COL22A1: variants seen among roughly 807,000 people sequenced by gnomAD.
The protein encoded by COL22A1 is collagen type XXII alpha 1 chain, also known as collagen alpha-1(XXII) chain.
In COL22A1, 221 loss-of-function variants were observed where a neutral mutation model predicts 248.9. The observed-to-expected ratio is 0.89, with a 90% CI of 0.80 to 0.99. The LOEUF is 0.99. Ranked by LOEUF, COL22A1 falls within the 50% of genes least tolerant of loss-of-function variation. COL22A1 has a pLI of 0.00. For missense variants in COL22A1, 2,240 were observed against 2,179.0 expected (o/e 1.03, Z -0.56); for synonymous variants, 891 against 793.4 (o/e 1.12, Z -2.07).
chr8:138,768,201 C>G (rs983722826), intron 16 of COL22A1, among the ~76,000 whole-genome samples: 4 of 152,234 alleles, frequency 2.6e-5, no homozygotes, highest in African/African-American at 9.6e-5. Flanking sequence ...TCCCAGCCCC[C>G]CATGGTTCCC....
At chr8:138,693,723 CG>C in intron 34 of COL22A1, 24 bp from the exon 35 acceptor site, 2 of 1,557,840 alleles carry the variant, frequency 1.3e-6, no homozygotes, top group South Asian at 1.2e-5. Flanking sequence ...AAAAGAGGGG[CG>C]GGGGTAAGAC....
Position 138,649,675 on chromosome 8 carries a change from T to C in COL22A1, c.3437A>G (p.Glu1146Gly), listed in dbSNP as rs1280028605. The C allele has an allele frequency of 4.3e-6, 7 of 1,612,956 alleles. No homozygotes were observed. The African/African-American group carries it at 6.7e-5, about 15-fold the overall frequency. The part of the protein sequence containing the change: ...VPGKPGREGT[E>G]GKKGEAGPPG... ...CCCTTTTCTCCTTACCTTTTTCCCT[T>C]CTGTGCCTTCTCTCCCTGGCTTTCC... is the stretch of plus-strand genomic sequence containing the variant. The change falls in exon 46 of 65, where the codon GAA (glutamate) becomes GGA (glycine). Residue 1146 changes from glutamate (E) to glycine (G), a missense_variant. By Grantham distance (98) the Glu-to-Gly change is moderately conservative. Coordinates refer to ENST00000303045, the MANE Select transcript of COL22A1 (RefSeq NM_152888.3).
chr8:138,683,958 G>C (rs1329311942), intron 39 of COL22A1, among the ~76,000 whole-genome samples: 1 of 152,126 alleles, frequency 6.6e-6, no homozygotes, highest in African/African-American at 2.4e-5. Context: ...ACAGTTAAGA[G>C]TCATAGAAAT....
chr8:138,624,582 C>T (rs1046732958), intron 51 of COL22A1, among the ~76,000 whole-genome samples: 2 of 152,188 alleles, frequency 1.3e-5, no homozygotes, highest in South Asian at 2.1e-4. Context: ...ACTTTGATAA[C>T]GGGTTAACAC....
Position 138,821,479 on chromosome 8 carries a change from C to T in COL22A1, c.970-68G>A, listed in dbSNP as rs544099027. 47 of 1,513,882 alleles carry T rather than the reference C, an allele frequency of 3.1e-5. No individual in the cohort carries two copies. In the Middle Eastern group the frequency reaches 5.2e-4, roughly 17 times the overall value. 93.8% of individuals were successfully genotyped at this position (1,513,882 alleles called of 1,614,324 possible). A position where few individuals can be genotyped will look rare whatever the true frequency, so the allele number is the denominator to read the frequency against. ...CAAGGGAAAAGGAGAGAATGGGAAA[C>T]GGGAGTTCAGAGTCAGACCTGGCAA... On this transcript the variant is annotated intron_variant, in intron 6 of 64. Coordinates refer to ENST00000303045, the MANE Select transcript of COL22A1 (RefSeq NM_152888.3).
chr8:138,723,258 C>T (rs980343667), intron 25 of COL22A1, among the ~76,000 whole-genome samples: 2 of 152,080 alleles, frequency 1.3e-5, no homozygotes, highest in Non-Finnish European at 2.9e-5. Flanking sequence ...CTCATCTCTC[C>T]CTGTGCCTCC....
intron 8 of COL22A1, among the ~76,000 whole-genome samples, 198 bp from the exon 9 acceptor site, chr8:138,812,119 T>C (rs1234765496): frequency 6.6e-6 from 1 of 152,210 alleles, no homozygotes; most frequent in Non-Finnish European, 1.5e-5. Flanking sequence ...CTCAGCAATC[T>C]GGGTGAACCG....
intron 3 of COL22A1, among the ~76,000 whole-genome samples, chr8:138,867,734 A>T (rs904942123): frequency 6.6e-6 from 1 of 152,072 alleles, no homozygotes; most frequent in Non-Finnish European, 1.5e-5. Flanking sequence ...TGCTCTAGAG[A>T]GTAGGTAGTA....
chr8:138,626,286 G>A (rs761516516), intron 50 of COL22A1, 43 bp from the exon 51 acceptor site: 1 of 1,514,102 alleles, frequency 6.6e-7, no homozygotes, highest in South Asian at 1.1e-5. Context: ...ACCTCTGCTG[G>A]CTTTTCTGGA....
intron 1 of COL22A1, among the ~76,000 whole-genome samples, chr8:138,892,737 G>C (rs28489084): frequency 1.3e-5 from 2 of 152,020 alleles, no homozygotes; most frequent in African/African-American, 4.8e-5. Context: ...CCAGAGGAGG[G>C]GGGAGGAAGA....
chr8:138,881,863 C>G (rs1824239432), intron 2 of COL22A1, among the ~76,000 whole-genome samples: 2 of 152,172 alleles, frequency 1.3e-5, no homozygotes, highest in African/African-American at 4.8e-5. Context: ...ACCCTGACCC[C>G]TCCTTCACAT....
intron 12 of COL22A1, among the ~76,000 whole-genome samples, chr8:138,792,573 A>G (rs1485831142): frequency 6.6e-6 from 1 of 152,232 alleles, no homozygotes; most frequent in African/African-American, 2.4e-5. Context: ...GAAAGTACTG[A>G]GTCCATTCTA....
At chr8:138,708,519 A>G (rs143119468) in intron 30 of COL22A1, among the ~76,000 whole-genome samples, 6,645 of 152,318 alleles carry the variant, frequency 0.044, 194 homozygotes, top group East Asian at 0.12. Flanking sequence ...CAAACATGAC[A>G]AAAACAAGAA....
chr8:138,733,268 G>C (rs973418180), intron 23 of COL22A1, among the ~76,000 whole-genome samples: 4 of 152,196 alleles, frequency 2.6e-5, no homozygotes, highest in Non-Finnish European at 5.9e-5. Context: ...CAGGATACAG[G>C]AGTCACCACA....
At chr8:138,607,886 C>T (rs1367778699) in intron 57 of COL22A1, 50 bp downstream of exon 57, 1 of 1,567,920 alleles carries the variant, frequency 6.4e-7, no homozygotes, top group African/African-American at 1.4e-5. Context: ...TCCACAAGCC[C>T]TTTCAAAGCC....
At chr8:138,856,863 G>A (rs1051411643) in intron 3 of COL22A1, among the ~76,000 whole-genome samples, 6 of 152,260 alleles carry the variant, frequency 3.9e-5, no homozygotes, top group Non-Finnish European at 7.4e-5. Context: ...CCCCAGCCTG[G>A]CAGGCATGGA....
chr8:138,693,627 G>T lies in COL22A1; in HGVS notation c.2754+19C>A. The stretch of plus-strand genomic sequence containing the variant: ...CCTCCGGGGCTCCCCCACGAGGCAG[G>T]CCGATCATAGGGACTCACGGGGTTT... On this transcript the variant is annotated intron_variant, in intron 35 of 64. Transcript: ENST00000303045. 1 of 1,573,068 alleles carries T rather than the reference G, an allele frequency of 6.4e-7. No individual in the cohort carries two copies. Among genetic ancestry groups the T allele is most frequent in the Middle Eastern group, 1.7e-4 (1 of 5,968 alleles).
intron 1 of COL22A1, among the ~76,000 whole-genome samples, chr8:138,906,153 G>A (rs989421841): frequency 2.6e-5 from 4 of 152,082 alleles, no homozygotes; most frequent in South Asian, 4.1e-4. Context: ...GGCGGGTCAC[G>A]AGGTCAGGAG....
At position 138,844,969 on chromosome 8, in the gene COL22A1, G is replaced by T. The variant is rs528757679; in HGVS notation, c.659-811C>A. Among the ~76,000 whole-genome samples the T allele has an allele frequency of 5.1e-3, 741 of 144,946 alleles. 10 individuals carry two copies. Among genetic ancestry groups the T allele is most frequent in the African/African-American group, 0.018 (710 of 38,776 alleles). ...CATCTCAAAAAAAAAAAAAAAAAAAGGAAAGCATGCACATATACATGAAAC... is the reference window on the plus strand; with the variant it reads ...CATCTCAAAAAAAAAAAAAAAAAAATGAAAGCATGCACATATACATGAAAC... On this transcript the variant is annotated intron_variant, in intron 3 of 64. Transcript: ENST00000303045.
Sources: gnomAD v4.1 joint callset for allele counts (sites outside exome capture counted in the v4.1 genomes callset) on GRCh38, gnomAD v4.1.1 for gene constraint, MANE v1.5 for transcripts, NCBI Gene and HGNC (gene_info 2026-07-23, HGNC 2026-07-21) for gene names.